Variants in ZNF283 observed in about 807,000 individuals in gnomAD.
The protein encoded by ZNF283 is zinc finger protein 41.
A neutral mutation model predicts 9.2 loss-of-function variants in ZNF283; 10 were observed. That is an observed-to-expected ratio of 1.09 (90% confidence interval 0.67 to 1.85). The LOEUF (loss-of-function observed/expected upper bound fraction) is 1.85. ZNF283 is among the 40% of genes most tolerant of loss of function. The pLI, the probability that ZNF283 is intolerant of heterozygous loss-of-function variation, is 0.00. For missense variants in ZNF283, 631 were observed against 760.1 expected (o/e 0.83, Z 2.00); for synonymous variants, 234 against 244.1 (o/e 0.96, Z 0.38).
At chr19:43,828,591 GATT>G (rs1274546353) in intron 2 of ZNF283, among the ~76,000 whole-genome samples, 1 of 152,150 alleles carries the variant, frequency 6.6e-6, no homozygotes, top group Non-Finnish European at 1.5e-5. Context: ...TATTTGAAGA[GATT>G]AGTAATTAGG....
chr19:43,848,367 A>G lies in ZNF283; in HGVS notation c.1766A>G (p.His589Arg), dbSNP rs1332173114. 1 of 1,613,980 alleles carries G rather than the reference A, an allele frequency of 6.2e-7. No individual in the cohort carries two copies. The highest frequency in any genetic ancestry group is 1.7e-5 in the Admixed American group (1 of 59,996). Residue 589 changes from histidine (H) to arginine (R), a missense_variant, in exon 7 of 7, where the codon CAT becomes CGT. His to Arg is a conservative substitution (Grantham distance 29, BLOSUM62 0). Transcript: ENST00000618787. ...AGTTGGGGTTCAAGCCTAGTTAAGC[A>G]TGAGAGAGTCCATACTAATGAGAAG... The part of the protein sequence containing the change: ...AFSWGSSLVK[H>R]ERVHTNEKSY...
Position 43,848,970 on chromosome 19 carries a change from A to T in ZNF283, c.*329A>T, listed in dbSNP as rs1802347039. Reference sequence around the variant, plus strand: ...CAAATAATTGGTATTTGTTAAAAAGAGTTTAAATAGGAGGAATGTGGGAAG... The same window carrying T: ...CAAATAATTGGTATTTGTTAAAAAGTGTTTAAATAGGAGGAATGTGGGAAG... On this transcript the variant is annotated 3_prime_UTR_variant, in exon 7 of 7. Transcript: ENST00000618787. 5.9e-6 allele frequency: 1 copy of T among 170,256 alleles called. No individual in the cohort carries two copies. The highest frequency in any genetic ancestry group is 2.4e-5 in the African/African-American group (1 of 41,866). The allele number at this position is 170,256 out of a possible 1,614,324, so 10.5% of individuals were successfully genotyped here. A position where few individuals can be genotyped will look rare whatever the true frequency, so the allele number is the denominator to read the frequency against.
intron 5 of ZNF283, 45 bp downstream of exon 5, chr19:43,835,637 G>A (rs1318765190): frequency 1.4e-5 from 20 of 1,397,144 alleles, no homozygotes; most frequent in Non-Finnish European, 1.8e-5. Flanking sequence ...GATTTTTAGG[G>A]CGTGTGAATC....
chr19:43,851,845 T>C lies in ZNF283; in HGVS notation c.*3204T>C, dbSNP rs759375995. The C allele has an allele frequency of 4.6e-5, 7 of 152,212 alleles. No individual in the cohort carries two copies. The highest frequency in any genetic ancestry group is 1.0e-4 in the Non-Finnish European group (7 of 68,040). 9.4% of individuals were successfully genotyped at this position (152,212 alleles called of 1,614,324 possible). ...TCCCATGACCTATTATCTTTGTAGG[T>C]GGGTGAAATTGCATTGGGAACTGCT... On this transcript the variant is annotated 3_prime_UTR_variant, in exon 7 of 7. Transcript: ENST00000618787.
intron 2 of ZNF283, among the ~76,000 whole-genome samples, chr19:43,830,035 A>C (rs1970637204): frequency 6.6e-6 from 1 of 152,164 alleles, no homozygotes; most frequent in South Asian, 2.1e-4. Flanking sequence ...ACAGACACGA[A>C]AAAGTGACCA....
At chr19:43,833,216 C>T (rs926583792) in intron 3 of ZNF283, among the ~76,000 whole-genome samples, 1 of 151,936 alleles carries the variant, frequency 6.6e-6, no homozygotes, top group Admixed American at 6.6e-5. Context: ...GCTCTCACAC[C>T]AGAACTTTTA....
In ZNF283 at chr19:43,834,185, T is replaced by G. The variant is rs1219815544; in HGVS notation, c.122+559T>G. On this transcript the variant is annotated intron_variant, in intron 4 of 6. Coordinates refer to ENST00000618787, the MANE Select transcript of ZNF283 (RefSeq NM_181845.2). ...ATTCAGTTATCTGGAGAGTACCATG[T>G]CTAAGACAGGTTCAGATACAAAATA... is the stretch of plus-strand genomic sequence containing the variant. Among the ~76,000 whole-genome samples the G allele has an allele frequency of 2.0e-5, 3 of 152,108 alleles. No homozygotes were observed. The East Asian group carries it at 5.8e-4, about 29-fold the overall frequency.
At chr19:43,839,066 C>T (rs180969177) in intron 6 of ZNF283, among the ~76,000 whole-genome samples, 1 of 152,306 alleles carries the variant, frequency 6.6e-6, no homozygotes, top group East Asian at 1.9e-4. Flanking sequence ...CTTCTAATTA[C>T]TGTTTAGTGT....
rs141056497 is a variant in ZNF283, at chr19:43,828,688, A to G, written c.-65+407A>G. On this transcript the variant is annotated intron_variant, in intron 2 of 6. Transcript: ENST00000618787. Reference sequence around the variant, plus strand: ...TAACTTTTTTTAGAGACAAGGTCTCACTCTGTTGCCCAGGCTGAGTGCAGT... The same window carrying G: ...TAACTTTTTTTAGAGACAAGGTCTCGCTCTGTTGCCCAGGCTGAGTGCAGT... Among the ~76,000 whole-genome samples, 335 of 152,220 alleles carry G rather than the reference A, an allele frequency of 2.2e-3. 2 individuals carry two copies. The highest frequency in any genetic ancestry group is 7.9e-3 in the African/African-American group (328 of 41,516).
At chr19:43,828,456 ACAATT>A (rs1970565855) in intron 2 of ZNF283, among the ~76,000 whole-genome samples, 175 bp downstream of exon 2, 1 of 152,082 alleles carries the variant, frequency 6.6e-6, no homozygotes, top group Non-Finnish European at 1.5e-5. Context: ...GTTCTTCTCC[ACAATT>A]CTTACCCACC....
chr19:43,848,384 A>T lies in ZNF283; in HGVS notation c.1783A>T (p.Asn595Tyr). The change falls in exon 7 of 7, where the codon AAT becomes TAT. Residue 595 changes from asparagine (N) to tyrosine (Y), a missense_variant. Asn to Tyr is a moderately radical substitution (Grantham distance 143). Around this residue, in one of 3 missense-constraint regions of ZNF283, gnomAD observed 444 missense variants for 522.5 expected, o/e 0.85. Coordinates refer to ENST00000618787, the MANE Select transcript of ZNF283 (RefSeq NM_181845.2). The part of the protein sequence containing the change: ...SLVKHERVHT[N>Y]EKSYECKDCG... ...AGTTAAGCATGAGAGAGTCCATACTAATGAGAAGTCTTATGAATGTAAAGA... is the reference window on the plus strand; with the variant it reads ...AGTTAAGCATGAGAGAGTCCATACTTATGAGAAGTCTTATGAATGTAAAGA... The T allele has an allele frequency of 6.2e-7, 1 of 1,613,442 alleles. No homozygotes were observed. The highest frequency in any genetic ancestry group is 1.1e-5 in the South Asian group (1 of 91,038).
intron 6 of ZNF283, among the ~76,000 whole-genome samples, chr19:43,845,716 G>A: frequency 6.6e-6 from 1 of 151,942 alleles, no homozygotes; most frequent in African/African-American, 2.4e-5. Flanking sequence ...ATATAGAGTG[G>A]ACAGTTTACT....
chr19:43,847,387 C>G lies in ZNF283; in HGVS notation c.786C>G (p.Pro262=). Reference sequence around the variant, plus strand: ...AGAGATTTCATACTGGTGAGAAACCCTATGAGTGTAAGGAATGTGGGAAGA... The same window carrying G: ...AGAGATTTCATACTGGTGAGAAACCGTATGAGTGTAAGGAATGTGGGAAGA... ...VHQRFHTGEK[P]YECKECGKTF... Residue 262 remains proline, a synonymous_variant, in exon 7 of 7, where the codon CCC becomes CCG. Transcript: ENST00000618787. 1 of 1,613,846 alleles carries G rather than the reference C, an allele frequency of 6.2e-7. No homozygotes were observed. Among genetic ancestry groups the G allele is most frequent in the Non-Finnish European group, 8.5e-7 (1 of 1,179,894 alleles).
In ZNF283 at chr19:43,848,080, A is replaced by C; in HGVS notation, c.1479A>C (p.Gly493=). ...GEKSHECKEC[G]KTFCSGYQLT... is the part of the protein sequence containing the mutation. ...AATCCCATGAATGTAAAGAATGCGGAAAGACCTTTTGTAGTGGGTATCAAC... is the reference window on the plus strand; with the variant it reads ...AATCCCATGAATGTAAAGAATGCGGCAAGACCTTTTGTAGTGGGTATCAAC... Residue 493 remains glycine, a synonymous_variant, in exon 7 of 7, where the codon GGA becomes GGC. Transcript: ENST00000618787. 1 of 1,610,704 alleles carries C rather than the reference A, an allele frequency of 6.2e-7. No homozygotes were observed. The highest frequency in any genetic ancestry group is 8.5e-7 in the Non-Finnish European group (1 of 1,179,040).
In ZNF283 at chr19:43,850,074, G is replaced by C. The variant is rs1209677264; in HGVS notation, c.*1433G>C. The C allele has an allele frequency of 1.3e-5, 2 of 152,076 alleles. No homozygotes were observed. The highest frequency in any genetic ancestry group is 2.9e-5 in the Non-Finnish European group (2 of 67,998). 9.4% of individuals were successfully genotyped at this position (152,076 alleles called of 1,614,324 possible). On this transcript the variant is annotated 3_prime_UTR_variant, in exon 7 of 7. Coordinates refer to ENST00000618787, the MANE Select transcript of ZNF283 (RefSeq NM_181845.2). Reference sequence around the variant, plus strand: ...CCCTTAAGCTGAGCTAAAAAAATGAGACTTGAAAAAATCCAGACTTTTGAA... The same window carrying C: ...CCCTTAAGCTGAGCTAAAAAAATGACACTTGAAAAAATCCAGACTTTTGAA...
chr19:43,835,201 G>T (rs1260927819), intron 4 of ZNF283, among the ~76,000 whole-genome samples: 1 of 152,142 alleles, frequency 6.6e-6, no homozygotes, highest in Non-Finnish European at 1.5e-5. Context: ...GCCCATGAAG[G>T]ACGTTCTAGC....
At chr19:43,831,472 C>T in intron 3 of ZNF283, 91 bp downstream of exon 3, 1 of 1,038,676 alleles carries the variant, frequency 9.6e-7, no homozygotes, top group Non-Finnish European at 1.4e-6. Context: ...CCTCCTGTCA[C>T]TCAGTTTTTT....
chr19:43,831,719 C>T (rs1434410436), intron 3 of ZNF283, among the ~76,000 whole-genome samples: 1 of 152,180 alleles, frequency 6.6e-6, no homozygotes, highest in African/African-American at 2.4e-5. Flanking sequence ...ACCTCCACCT[C>T]CCAGGCTCAA....
At chr19:43,829,301 C>T (rs986119084) in intron 2 of ZNF283, among the ~76,000 whole-genome samples, 20 of 152,268 alleles carry the variant, frequency 1.3e-4, no homozygotes, top group Middle Eastern at 6.8e-3. Context: ...AGGAGAATGG[C>T]GTGAACCCGG....
Sources: allele counts gnomAD v4.1 joint callset (sites outside exome capture counted in the v4.1 genomes callset), GRCh38; gene constraint gnomAD v4.1.1; regional missense constraint gnomAD v4.1.1; transcripts MANE v1.5; gene names NCBI Gene and HGNC (gene_info 2026-07-23, HGNC 2026-07-21).